The following NKAIN2 variants were observed in gnomAD, a reference collection of about 807,000 sequenced individuals.
The protein encoded by NKAIN2 is sodium/potassium-transporting ATPase subunit beta-1-interacting protein 2.
NKAIN2 carries 14 observed loss-of-function variants against 32.6 expected under a neutral mutation model. The ratio of observed to expected loss-of-function variants is 0.43; its 90% confidence interval spans 0.28 to 0.67. NKAIN2 has a LOEUF of 0.67. NKAIN2 is among the 30% of genes least tolerant of loss of function. The pLI is 0.17. For missense variants in NKAIN2, 198 were observed against 258.3 expected (o/e 0.77, Z 1.60); for synonymous variants, 80 against 87.2 (o/e 0.92, Z 0.46).
intron 4 of NKAIN2, among the ~76,000 whole-genome samples, chr6:124,696,731 C>T (rs1774515514): frequency 6.6e-6 from 1 of 150,796 alleles, no homozygotes; most frequent in Non-Finnish European, 1.5e-5. Flanking sequence ...GTTTTCTGCG[C>T]TTGATTGTAT....
At chr6:124,100,915 G>A (rs749425270) in intron 1 of NKAIN2, among the ~76,000 whole-genome samples, 3 of 152,056 alleles carry the variant, frequency 2.0e-5, no homozygotes, top group Non-Finnish European at 4.4e-5. Flanking sequence ...TTGAGGGTGG[G>A]GACAAAATAT....
intron 1 of NKAIN2, among the ~76,000 whole-genome samples, chr6:124,134,248 G>A (rs1786619113): frequency 1.3e-5 from 2 of 152,134 alleles, no homozygotes; most frequent in Admixed American, 1.3e-4. Flanking sequence ...AATACAAAAT[G>A]CAGTGAAAAG....
intron 1 of NKAIN2, among the ~76,000 whole-genome samples, chr6:124,155,773 T>C (rs189110997): frequency 1.2e-4 from 18 of 152,148 alleles, no homozygotes; most frequent in African/African-American, 4.1e-4. Context: ...AATTGACGTA[T>C]AGTGAATGGA....
At chr6:124,323,892 A>C (rs1428698946) in intron 2 of NKAIN2, among the ~76,000 whole-genome samples, 1 of 144,228 alleles carries the variant, frequency 6.9e-6, no homozygotes, top group Non-Finnish European at 1.5e-5. Context: ...GGTACATGCC[A>C]TTCTCCTGCC....
At chr6:123,896,568 G>A (rs11154196) in intron 1 of NKAIN2, among the ~76,000 whole-genome samples, 85,449 of 151,950 alleles carry the variant, frequency 0.56, 24,262 homozygotes, top group East Asian at 0.7. Flanking sequence ...TGAACTATGT[G>A]TTATTATCCC....
intron 1 of NKAIN2, 61 bp downstream of exon 1, chr6:123,804,315 T>G: frequency 7.2e-7 from 1 of 1,384,040 alleles, no homozygotes; most frequent in Admixed American, 1.7e-5. Context: ...GGCAGGGGAG[T>G]GCAGCAAAGG....
chr6:124,247,266 A>G (rs939810094), intron 1 of NKAIN2, among the ~76,000 whole-genome samples: 1 of 152,184 alleles, frequency 6.6e-6, no homozygotes, highest in South Asian at 2.1e-4. Flanking sequence ...CTTTTGAAAC[A>G]GATGAAAGTT....
chr6:123,812,867 G>T (rs982154543), intron 1 of NKAIN2, among the ~76,000 whole-genome samples: 1 of 152,224 alleles, frequency 6.6e-6, no homozygotes, highest in African/African-American at 2.4e-5. Flanking sequence ...GTTTGAAATG[G>T]AGGAATCAAA....
intron 1 of NKAIN2, among the ~76,000 whole-genome samples, chr6:123,933,043 T>C (rs904882141): frequency 6.6e-6 from 1 of 152,164 alleles, no homozygotes; most frequent in Non-Finnish European, 1.5e-5. Context: ...GTTACCAACA[T>C]CAGCAATTCT....
intron 3 of NKAIN2, among the ~76,000 whole-genome samples, chr6:124,642,440 A>G (rs573064858): frequency 1.7e-3 from 255 of 152,348 alleles, no homozygotes; most frequent in African/African-American, 5.4e-3. Flanking sequence ...TCACCAGCAG[A>G]AAACAAGCCA....
At position 124,231,847 on chromosome 6, in the gene NKAIN2, C is replaced by T. The variant is rs527624825; in HGVS notation, c.55-51158C>T. Reference sequence around the variant, plus strand: ...GTACATTTTTTCTAGATATATACTTCTTTATATAAATATACATATATATAT... The same window carrying T: ...GTACATTTTTTCTAGATATATACTTTTTTATATAAATATACATATATATAT... On this transcript the variant is annotated intron_variant, in intron 1 of 6. Transcript: ENST00000368417. Among the ~76,000 whole-genome samples, 4 of 112,350 alleles carry T rather than the reference C, an allele frequency of 3.6e-5. No homozygotes were observed. In the East Asian group the frequency reaches 1.0e-3, roughly 28 times the overall value. 73.7% of individuals were successfully genotyped at this position (112,350 alleles called of 152,430 possible).
chr6:124,804,951 G>A (rs1195829821), intron 5 of NKAIN2, among the ~76,000 whole-genome samples: 8 of 152,318 alleles, frequency 5.3e-5, no homozygotes, highest in Non-Finnish European at 1.0e-4. Context: ...AAGGGCGCCC[G>A]CCATTGCCCA....
intron 1 of NKAIN2, among the ~76,000 whole-genome samples, chr6:124,246,315 T>C (rs1793393643): frequency 6.6e-6 from 1 of 152,094 alleles, no homozygotes. Context: ...CATTGTCTAT[T>C]GCATATATCA....
intron 5 of NKAIN2, among the ~76,000 whole-genome samples, chr6:124,805,067 G>A (rs1002017042): frequency 1.3e-5 from 2 of 152,206 alleles, no homozygotes; most frequent in Non-Finnish European, 2.9e-5. Context: ...TGGGGGCAGG[G>A]CACAGACAAA....
chr6:124,407,793 C>G (rs1773937133), intron 3 of NKAIN2, among the ~76,000 whole-genome samples: 3 of 151,390 alleles, frequency 2.0e-5, no homozygotes, highest in Admixed American at 2.0e-4. Context: ...AATGGTTGAA[C>G]TAGTTTACAG....
chr6:124,817,977 T>A (rs529618719), intron 5 of NKAIN2, among the ~76,000 whole-genome samples: 1 of 147,378 alleles, frequency 6.8e-6, no homozygotes, highest in African/African-American at 2.7e-5. Flanking sequence ...CATAGATACA[T>A]GCACTTGAGT....
chr6:124,112,244 C>A (rs1287770259), intron 1 of NKAIN2, among the ~76,000 whole-genome samples: 1 of 152,038 alleles, frequency 6.6e-6, no homozygotes, highest in African/African-American at 2.4e-5. Context: ...TAAGGCAGGT[C>A]CGGTGTTGAT....
intron 1 of NKAIN2, among the ~76,000 whole-genome samples, chr6:124,004,873 A>G (rs946901080): frequency 2.0e-5 from 3 of 150,394 alleles, no homozygotes; most frequent in Non-Finnish European, 4.4e-5. Context: ...AAAAAAAAAA[A>G]GTAATAATAA....
At chr6:124,145,834 T>A (rs1344999771) in intron 1 of NKAIN2, among the ~76,000 whole-genome samples, 1 of 152,088 alleles carries the variant, frequency 6.6e-6, no homozygotes, top group East Asian at 1.9e-4. Flanking sequence ...GAGGACACAT[T>A]ACTGGAACTA....
Sources: allele counts gnomAD v4.1 joint callset (sites outside exome capture counted in the v4.1 genomes callset), GRCh38; gene constraint gnomAD v4.1.1; transcripts MANE v1.5; gene names NCBI Gene and HGNC (gene_info 2026-07-23, HGNC 2026-07-21).